Variants in SLC20A2 observed in about 807,000 individuals in gnomAD.
The protein encoded by SLC20A2 is sodium-dependent phosphate transporter 2.
SLC20A2 carries 30 observed loss-of-function variants against 61.0 expected under a neutral mutation model. The ratio of observed to expected loss-of-function variants is 0.49; its 90% CI spans 0.37 to 0.67. The LOEUF (loss-of-function observed/expected upper bound fraction) is 0.67, where lower values mean the gene tolerates loss of function less well. Among genes scored for constraint, SLC20A2 ranks in the 30% least tolerant of loss-of-function variants. The probability of loss-of-function intolerance (pLI) is 0.00; values close to 1 mark genes in which losing one functional copy is unlikely to be tolerated. For synonymous variants in SLC20A2, 351 were observed against 353.3 expected (o/e 0.99, Z 0.07); for missense variants, 626 against 866.4 (o/e 0.72, Z 3.48).
At chr8:42,430,281 A>G in intron 8 of SLC20A2, 32 bp from the exon 9 acceptor site, 2 of 1,575,028 alleles carry the variant, frequency 1.3e-6, no homozygotes, top group Non-Finnish European at 1.7e-6. Context: ...AAGATTAACT[A>G]TATATGCAAG....
chr8:42,454,294 G>A (rs113743565), intron 5 of SLC20A2, among the ~76,000 whole-genome samples: 5 of 152,256 alleles, frequency 3.3e-5, no homozygotes, highest in South Asian at 2.1e-4. Context: ...GAGCCACCGC[G>A]CCCGGCCGAA....
At chr8:42,523,091 G>C (rs1328091148) in intron 1 of SLC20A2, among the ~76,000 whole-genome samples, 3 of 152,124 alleles carry the variant, frequency 2.0e-5, no homozygotes, top group Non-Finnish European at 4.4e-5. Context: ...CCAGCACTTT[G>C]AGAGGCCGAG....
At chr8:42,533,627 C>T (rs1812490092) in intron 1 of SLC20A2, among the ~76,000 whole-genome samples, 1 of 128,290 alleles carries the variant, frequency 7.8e-6, no homozygotes, top group Admixed American at 8.2e-5. Context: ...TGTCCATGCA[C>T]ATTAATGGCC....
At chr8:42,474,343 A>C (rs1807888518) in intron 1 of SLC20A2, among the ~76,000 whole-genome samples, 1 of 152,184 alleles carries the variant, frequency 6.6e-6, no homozygotes, top group Non-Finnish European at 1.5e-5. Flanking sequence ...AAATCTACAA[A>C]CATATTGAGC....
intron 1 of SLC20A2, among the ~76,000 whole-genome samples, chr8:42,518,242 CT>C (rs924533736): frequency 1.3e-5 from 2 of 152,040 alleles, no homozygotes; most frequent in African/African-American, 4.8e-5. Flanking sequence ...GCCCAGACAA[CT>C]TTTTTTAAAG....
intron 10 of SLC20A2, among the ~76,000 whole-genome samples, chr8:42,420,297 A>G (rs1005780917): frequency 2.8e-4 from 43 of 152,200 alleles, no homozygotes; most frequent in African/African-American, 9.6e-4. Context: ...TAACTCTGTG[A>G]TATCGAATAC....
chr8:42,460,843 TA>T (rs1469450632), intron 4 of SLC20A2, among the ~76,000 whole-genome samples: 2 of 152,104 alleles, frequency 1.3e-5, no homozygotes, highest in African/African-American at 4.8e-5. Context: ...GTGGCTCAAA[TA>T]ATTCAAAAAG....
chr8:42,534,985 T>G (rs915234915), intron 1 of SLC20A2: 2 of 152,188 alleles, frequency 1.3e-5, no homozygotes, highest in African/African-American at 4.8e-5. Context: ...TTAACAAAGA[T>G]AATGTAAGAA....
rs1390397418 is a variant in SLC20A2, at chr8:42,467,551, C to G, written c.290-1634G>C. On this transcript the variant is annotated intron_variant, in intron 2 of 10. Coordinates refer to ENST00000520262, the MANE Select transcript of SLC20A2 (RefSeq NM_001257180.2). ...AGCAGCAGCACTTTTCAGGGGACCC[C>G]TGGCATTTCCTTCAAAGGCATCTGA... Among the ~76,000 whole-genome samples, 3 of 152,184 alleles carry G rather than the reference C, an allele frequency of 2.0e-5. 1 individual carries two copies. The highest frequency in any genetic ancestry group is 4.4e-5 in the Non-Finnish European group (3 of 68,036).
intron 1 of SLC20A2, among the ~76,000 whole-genome samples, chr8:42,513,817 G>A (rs899270668): frequency 6.6e-6 from 1 of 152,146 alleles, no homozygotes; most frequent in Non-Finnish European, 1.5e-5. Context: ...TCTCTCTGGG[G>A]CTTGGGGGAG....
intron 8 of SLC20A2, among the ~76,000 whole-genome samples, chr8:42,435,687 C>G (rs1586017897): frequency 6.6e-6 from 1 of 152,202 alleles, no homozygotes; most frequent in Non-Finnish European, 1.5e-5. Flanking sequence ...CCTACACACT[C>G]ATTTGCAGGA....
chr8:42,443,670 G>A (rs543698948), intron 6 of SLC20A2, among the ~76,000 whole-genome samples: 8 of 151,880 alleles, frequency 5.3e-5, no homozygotes, highest in South Asian at 2.1e-4. Flanking sequence ...ATGACCTGCC[G>A]CAAGTGGGCA....
At chr8:42,510,879 G>C (rs1810992402) in intron 1 of SLC20A2, among the ~76,000 whole-genome samples, 1 of 151,440 alleles carries the variant, frequency 6.6e-6, no homozygotes, top group Admixed American at 6.6e-5. Flanking sequence ...TTTATACATG[G>C]ATTTTTTAAA....
intron 3 of SLC20A2, among the ~76,000 whole-genome samples, chr8:42,465,433 C>A (rs1426685553): frequency 6.6e-6 from 1 of 151,716 alleles, no homozygotes; most frequent in African/African-American, 2.4e-5. Flanking sequence ...GTGGCTCACG[C>A]CTATAATCCT....
chr8:42,440,461 T>A (rs1326180600), intron 6 of SLC20A2, among the ~76,000 whole-genome samples: 1 of 152,228 alleles, frequency 6.6e-6, no homozygotes, highest in African/African-American at 2.4e-5. Flanking sequence ...GTTACATGGA[T>A]CAATAATTTG....
At chr8:42,507,793 A>AC (rs1810795381) in intron 1 of SLC20A2, among the ~76,000 whole-genome samples, 1 of 152,260 alleles carries the variant, frequency 6.6e-6, no homozygotes, top group Non-Finnish European at 1.5e-5. Context: ...GGGAGTAATT[A>AC]GTAAGCATTC....
chr8:42,468,693 A>G (rs1420047292), intron 2 of SLC20A2, among the ~76,000 whole-genome samples: 3 of 151,808 alleles, frequency 2.0e-5, no homozygotes, highest in Admixed American at 6.6e-5. Context: ...ATTCCCGTGC[A>G]GATGAAAGAA....
intron 1 of SLC20A2, chr8:42,535,004 A>G (rs941271183): frequency 2.6e-5 from 4 of 152,256 alleles, no homozygotes; most frequent in African/African-American, 9.6e-5. Context: ...AAACAACTAA[A>G]AAAAATGTGC....
Position 42,437,611 on chromosome 8 carries a change from T to C in SLC20A2, c.935-34A>G, listed in dbSNP as rs372758064. 2.1e-5 allele frequency: 31 copies of C among 1,464,422 alleles called. No homozygotes were observed. Among genetic ancestry groups the C allele is most frequent in the Admixed American group, 1.2e-4 (5 of 41,896 alleles). 90.7% of individuals were successfully genotyped at this position (1,464,422 alleles called of 1,614,324 possible). On this transcript the variant is annotated intron_variant, in intron 7 of 10. Transcript: ENST00000520262. This position sits in a 1 kb window ranked among gnomAD's most constrained non-coding sequence, Gnocchi z 6.4. ...GGTTAGAGAAGGTCTCATTTTCCAG[T>C]CTTTTTTTTTTTTTTCTTTTCTTTT...
Sources: allele counts gnomAD v4.1 joint callset (sites outside exome capture counted in the v4.1 genomes callset), GRCh38; gene constraint gnomAD v4.1.1; non-coding constraint Gnocchi (gnomAD v3.1); transcripts MANE v1.5; gene names NCBI Gene and HGNC (gene_info 2026-07-23, HGNC 2026-07-21).